The following SCRN3 variants were observed in gnomAD, a reference collection of about 807,000 sequenced individuals.
The protein encoded by SCRN3 is secernin 3, also known as secernin-3.
In SCRN3, 39 loss-of-function variants were observed where a neutral mutation model predicts 43.1. The observed-to-expected ratio is 0.91, with a 90% CI of 0.70 to 1.18. SCRN3 has a LOEUF of 1.18. SCRN3 is among the 50% of genes most tolerant of loss of function. The pLI is 0.00. For synonymous variants in SCRN3, 147 were observed against 163.1 expected, an observed-to-expected ratio of 0.90 and a Z score of 0.75; for missense variants, 484 against 498.0, an observed-to-expected ratio of 0.97 and a Z score of 0.27.
At chr2:174,408,471 A>G (rs1176178791) in intron 5 of SCRN3, among the ~76,000 whole-genome samples, 4 of 147,608 alleles carry the variant, frequency 2.7e-5, no homozygotes, top group African/African-American at 7.3e-5. Context: ...TAAAGTTAAT[A>G]TTGTTATGTG....
chr2:174,399,308 C>T (rs1685426169), intron 2 of SCRN3, among the ~76,000 whole-genome samples: 1 of 152,138 alleles, frequency 6.6e-6, no homozygotes, highest in Non-Finnish European at 1.5e-5. Flanking sequence ...TAAATATAGC[C>T]TGTCCTGTAA....
Position 174,427,955 on chromosome 2 carries a change from C to A in SCRN3, c.*60C>A. Reference sequence around the variant, plus strand: ...ATCAGTGGTCAGTAATCTTCAAAGTCAGAATCTATCACCTTGGTAAATTAT... The same window carrying A: ...ATCAGTGGTCAGTAATCTTCAAAGTAAGAATCTATCACCTTGGTAAATTAT... On this transcript the variant is annotated 3_prime_UTR_variant, in exon 8 of 8. Transcript: ENST00000272732. 1 of 1,110,684 alleles carries A rather than the reference C, an allele frequency of 9.0e-7. No homozygotes were observed. The highest frequency in any genetic ancestry group is 1.5e-5 in the South Asian group (1 of 64,986). The allele number at this position is 1,110,684 out of a possible 1,614,324, so 68.8% of individuals were successfully genotyped here. A position where few individuals can be genotyped will look rare whatever the true frequency, so the allele number is the denominator to read the frequency against.
intron 5 of SCRN3, among the ~76,000 whole-genome samples, chr2:174,411,849 A>G (rs541034910): frequency 7.4e-4 from 113 of 152,296 alleles, no homozygotes; most frequent in Non-Finnish European, 1.2e-3. Flanking sequence ...TGAACCTGGG[A>G]GGCAGAGGTT....
At chr2:174,417,598 T>C (rs1686160506) in intron 5 of SCRN3, among the ~76,000 whole-genome samples, 2 of 152,186 alleles carry the variant, frequency 1.3e-5, no homozygotes, top group Admixed American at 1.3e-4. Context: ...TTTCATTTTG[T>C]TGGCCAGGCT....
intron 5 of SCRN3, among the ~76,000 whole-genome samples, chr2:174,419,913 C>CT (rs1686241753): frequency 6.6e-6 from 1 of 152,014 alleles, no homozygotes; most frequent in African/African-American, 2.4e-5. Context: ...CCAGGAATAG[C>CT]TATGAGATCT....
At chr2:174,409,391 G>T (rs1685817327) in intron 5 of SCRN3, among the ~76,000 whole-genome samples, 1 of 146,994 alleles carries the variant, frequency 6.8e-6, no homozygotes, top group Admixed American at 6.8e-5. Context: ...TAACTTCTTT[G>T]CCTTTGGTTT....
At chr2:174,404,442 T>G (rs1274448744) in intron 5 of SCRN3, 127 bp downstream of exon 5, 10 of 625,976 alleles carry the variant, frequency 1.6e-5, no homozygotes, top group Non-Finnish European at 2.5e-5. Context: ...AAATGAAAAA[T>G]ATTTATTATA....
Position 174,428,943 on chromosome 2 carries a change from A to G in SCRN3, c.*1048A>G, listed in dbSNP as rs1007319713. ...GTCCATTTTGGTATTTGGTTACATTATCATATTTACTAGTCACTATCAGCA... is the reference window on the plus strand; with the variant it reads ...GTCCATTTTGGTATTTGGTTACATTGTCATATTTACTAGTCACTATCAGCA... On this transcript the variant is annotated 3_prime_UTR_variant, in exon 8 of 8. Transcript: ENST00000272732. The G allele has an allele frequency of 1.3e-5, 2 of 152,230 alleles. No homozygotes were observed. The highest frequency in any genetic ancestry group is 4.8e-5 in the African/African-American group (2 of 41,450). 9.4% of individuals were successfully genotyped at this position (152,230 alleles called of 1,614,324 possible).
intron 5 of SCRN3, among the ~76,000 whole-genome samples, chr2:174,422,331 G>A (rs886935190): frequency 9.2e-5 from 14 of 152,110 alleles, no homozygotes; most frequent in South Asian, 4.1e-4. Context: ...CCAGCACTTC[G>A]GGAGGCCGAG....
In SCRN3 at chr2:174,428,362, T is replaced by C. The variant is rs1042488846; in HGVS notation, c.*467T>C. ...GTGCTTTAGGCAAACATTAACCAGC[T>C]CTAACAAGAAAAATGTCTAGATTTA... On this transcript the variant is annotated 3_prime_UTR_variant, in exon 8 of 8. Coordinates refer to ENST00000272732, the MANE Select transcript of SCRN3 (RefSeq NM_024583.5). The C allele has an allele frequency of 1.3e-5, 2 of 152,704 alleles. No individual in the cohort carries two copies. The highest frequency in any genetic ancestry group is 4.8e-5 in the African/African-American group (2 of 41,468). The allele number at this position is 152,704 out of a possible 1,614,324, so 9.5% of individuals were successfully genotyped here.
chr2:174,405,827 T>C (rs1398603507), intron 5 of SCRN3, among the ~76,000 whole-genome samples: 1 of 150,532 alleles, frequency 6.6e-6, no homozygotes, highest in African/African-American at 2.4e-5. Flanking sequence ...ATCTCTGTTT[T>C]GGTACCAGTA....
Position 174,404,298 on chromosome 2 carries a change from T to A in SCRN3, c.737T>A (p.Leu246His). The A allele has an allele frequency of 6.2e-7, 1 of 1,612,612 alleles. No individual in the cohort carries two copies. The highest frequency in any genetic ancestry group is 8.5e-7 in the Non-Finnish European group (1 of 1,178,954). Reference sequence around the variant, plus strand: ...GGCAGATACTGTGAGGGCTACAAGCTTCTAAATAAGCACAAAGGTAATTTT... The same window carrying A: ...GGCAGATACTGTGAGGGCTACAAGCATCTAAATAAGCACAAAGGTAATTTT... ...SSGRYCEGYKLLNKHKGNITF... is the reference protein window; with the variant it reads ...SSGRYCEGYKHLNKHKGNITF... The change falls in exon 5 of 8, where the codon CTT becomes CAT. Residue 246 changes from leucine to histidine, a missense_variant. Transcript: ENST00000272732.
chr2:174,412,268 T>G (rs962139871), intron 5 of SCRN3, among the ~76,000 whole-genome samples: 6 of 152,016 alleles, frequency 3.9e-5, no homozygotes, highest in Non-Finnish European at 8.8e-5. Flanking sequence ...CAGAAAGAGC[T>G]CCAAGAGAAA....
chr2:174,417,436 T>C (rs13032474), intron 5 of SCRN3, among the ~76,000 whole-genome samples: 31,077 of 152,124 alleles, frequency 0.2, 3,540 homozygotes, highest in Middle Eastern at 0.38. Flanking sequence ...CACTGTCGAC[T>C]GGGCTGGAAT....
chr2:174,396,701 G>A (rs1186191588), intron 1 of SCRN3, among the ~76,000 whole-genome samples: 1 of 151,986 alleles, frequency 6.6e-6, no homozygotes, highest in Non-Finnish European at 1.5e-5. Context: ...GGGAGGTTGA[G>A]GCAGGAGAAT....
At chr2:174,395,922 G>C (rs1417636179) in intron 1 of SCRN3, 105 bp downstream of exon 1, 1 of 1,413,568 alleles carries the variant, frequency 7.1e-7, no homozygotes, top group Non-Finnish European at 9.2e-7. Flanking sequence ...GAGCCCAGCT[G>C]CACCGGCTGC....
chr2:174,414,494 G>T (rs1686033442), intron 5 of SCRN3, among the ~76,000 whole-genome samples: 1 of 152,076 alleles, frequency 6.6e-6, no homozygotes, highest in African/African-American at 2.4e-5. Context: ...ATACGATGTA[G>T]ATCAGTTAGC....
At chr2:174,412,759 C>G (rs1413284958) in intron 5 of SCRN3, among the ~76,000 whole-genome samples, 1 of 151,928 alleles carries the variant, frequency 6.6e-6, no homozygotes, top group Admixed American at 6.5e-5. Context: ...ATGCTTGGGC[C>G]TACCCTAAGC....
chr2:174,399,258 A>C (rs960021355), intron 2 of SCRN3, among the ~76,000 whole-genome samples: 1 of 152,136 alleles, frequency 6.6e-6, no homozygotes, highest in Non-Finnish European at 1.5e-5. Context: ...AAGACCACTT[A>C]TTCATCTGTG....
Sources: gnomAD v4.1 joint callset for allele counts (sites outside exome capture counted in the v4.1 genomes callset) on GRCh38, gnomAD v4.1.1 for gene constraint, MANE v1.5 for transcripts, NCBI Gene and HGNC (gene_info 2026-07-23, HGNC 2026-07-21) for gene names.